OLFM3: variants seen among roughly 807,000 people sequenced by gnomAD.
OLFM3 encodes olfactomedin 3.
OLFM3 carries 20 observed loss-of-function variants against 48.6 expected under a neutral mutation model. That is an observed-to-expected ratio of 0.41 (90% confidence interval 0.29 to 0.60). The LOEUF (loss-of-function observed/expected upper bound fraction) is 0.60, where lower values mean the gene tolerates loss of function less well. Among genes scored for constraint, OLFM3 ranks in the 20% least tolerant of loss-of-function variants. The pLI is 0.28. For missense variants in OLFM3, 437 were observed against 544.3 expected (o/e 0.80, Z 1.96); for synonymous variants, 222 against 198.1 (o/e 1.12, Z -1.01).
rs139483467 is a variant in OLFM3 at position 101,876,841 on chromosome 1, C to G, written c.70-39816G>C. 3.7e-3 allele frequency among the ~76,000 whole-genome samples: 564 copies of G among 151,964 alleles called. 2 individuals carry two copies. Among genetic ancestry groups the G allele is most frequent in the African/African-American group, 0.013 (548 of 41,502 alleles). ...AGTCACTGTGTCATGTAATTGTGTT[C>G]ATATTGTCTTGTAAATGACAGTGTC... On this transcript the variant is annotated intron_variant, in intron 1 of 5. Transcript: ENST00000370103.
chr1:101,889,717 A>G (rs945023271), intron 1 of OLFM3, among the ~76,000 whole-genome samples: 6 of 152,132 alleles, frequency 3.9e-5, no homozygotes, highest in Non-Finnish European at 5.9e-5. Flanking sequence ...CTGATCTAGC[A>G]TAGATAACAT....
chr1:101,829,308 T>G (rs1384791031), intron 3 of OLFM3, among the ~76,000 whole-genome samples: 1 of 152,216 alleles, frequency 6.6e-6, no homozygotes, highest in African/African-American at 2.4e-5. Flanking sequence ...TAAATCTTGC[T>G]CTAATTTGTC....
chr1:101,912,934 G>A (rs1658807544), intron 1 of OLFM3, among the ~76,000 whole-genome samples: 1 of 152,152 alleles, frequency 6.6e-6, no homozygotes, highest in African/African-American at 2.4e-5. Flanking sequence ...GAAATTAAAA[G>A]AGGTAAAGGA....
intron 3 of OLFM3, among the ~76,000 whole-genome samples, chr1:101,826,230 C>G (rs549405677): frequency 6.6e-6 from 1 of 152,004 alleles, no homozygotes; most frequent in Non-Finnish European, 1.5e-5. Context: ...GACTGAAGCA[C>G]GCCTACAGTT....
chr1:101,824,538 T>C (rs2100897408), intron 4 of OLFM3, among the ~76,000 whole-genome samples: 1 of 152,208 alleles, frequency 6.6e-6, no homozygotes, highest in Middle Eastern at 3.4e-3. Context: ...TGATGGCAAT[T>C]CTGTAAATTG....
intron 1 of OLFM3, among the ~76,000 whole-genome samples, chr1:101,842,717 G>A (rs1655787535): frequency 6.6e-6 from 1 of 152,088 alleles, no homozygotes; most frequent in Admixed American, 6.5e-5. Context: ...TGCATGAAAG[G>A]GATTTCACTG....
intron 1 of OLFM3, among the ~76,000 whole-genome samples, chr1:101,947,217 G>T (rs760558555): frequency 8.6e-5 from 13 of 152,042 alleles, no homozygotes; most frequent in African/African-American, 3.1e-4. Flanking sequence ...ACCACACAAT[G>T]CTTGGTTTGT....
intron 1 of OLFM3, among the ~76,000 whole-genome samples, chr1:101,939,328 G>A (rs1005760128): frequency 2.6e-5 from 4 of 152,080 alleles, no homozygotes; most frequent in African/African-American, 9.7e-5. Context: ...ATTTATATCA[G>A]AATGGTATTT....
chr1:101,891,965 G>T (rs74107981), intron 1 of OLFM3, among the ~76,000 whole-genome samples: 1,679 of 151,930 alleles, frequency 0.011, 25 homozygotes, highest in African/African-American at 0.039. Flanking sequence ...TCTTAAATTC[G>T]TCTTTAGGTA....
chr1:101,829,372 T>C (rs182708337), intron 3 of OLFM3, among the ~76,000 whole-genome samples: 253 of 152,324 alleles, frequency 1.7e-3, no homozygotes, highest in African/African-American at 6.0e-3. Context: ...TTAAACCTCA[T>C]GATTAATCAC....
intron 1 of OLFM3, among the ~76,000 whole-genome samples, chr1:101,936,342 C>A (rs1392638086): frequency 2.0e-5 from 3 of 151,984 alleles, no homozygotes; most frequent in Middle Eastern, 3.4e-3. Context: ...GAGATCCAAA[C>A]GAAAAATGCA....
At chr1:101,812,698 T>G (rs1431556428) in intron 4 of OLFM3, 4 of 986,902 alleles carry the variant, frequency 4.1e-6, no homozygotes, top group Non-Finnish European at 4.8e-6. Flanking sequence ...CTGCTGAGTC[T>G]TAGGTTGTTT....
chr1:101,922,530 T>C (rs1012664045), intron 1 of OLFM3, among the ~76,000 whole-genome samples: 3 of 152,174 alleles, frequency 2.0e-5, no homozygotes, highest in Non-Finnish European at 4.4e-5. Flanking sequence ...ACAGGTCAGA[T>C]GTTTCTTTCA....
chr1:101,976,471 C>A (rs775679011), intron 1 of OLFM3, among the ~76,000 whole-genome samples: 5 of 152,140 alleles, frequency 3.3e-5, no homozygotes, highest in Non-Finnish European at 7.4e-5. Context: ...CACACGGATA[C>A]AAATACTAAT....
At chr1:101,888,350 T>A (rs1473542838) in intron 1 of OLFM3, among the ~76,000 whole-genome samples, 1 of 151,972 alleles carries the variant, frequency 6.6e-6, no homozygotes, top group East Asian at 1.9e-4. Context: ...ACATCACACA[T>A]CTACAACCAT....
At chr1:101,949,387 C>G (rs976335081) in intron 1 of OLFM3, among the ~76,000 whole-genome samples, 1 of 152,136 alleles carries the variant, frequency 6.6e-6, no homozygotes, top group African/African-American at 2.4e-5. Flanking sequence ...TAAAATATCA[C>G]GTACATGCTG....
chr1:101,969,973 T>C (rs1660734792), intron 1 of OLFM3, among the ~76,000 whole-genome samples: 2 of 152,040 alleles, frequency 1.3e-5, no homozygotes, highest in African/African-American at 4.8e-5. Context: ...TTCCCCTAGG[T>C]CCCCTCATGC....
intron 1 of OLFM3, among the ~76,000 whole-genome samples, chr1:101,849,550 T>C (rs1243227218): frequency 6.6e-6 from 1 of 152,244 alleles, no homozygotes; most frequent in East Asian, 1.9e-4. Context: ...TAGTTTTATG[T>C]TGTGAATCAT....
intron 1 of OLFM3, among the ~76,000 whole-genome samples, chr1:101,862,313 A>G (rs1435525621): frequency 6.6e-6 from 1 of 152,204 alleles, no homozygotes; most frequent in Non-Finnish European, 1.5e-5. Context: ...TAGAGAACAA[A>G]GTGTCTCAGT....
Sources: gnomAD v4.1 joint callset for allele counts (sites outside exome capture counted in the v4.1 genomes callset) on GRCh38, gnomAD v4.1.1 for gene constraint, MANE v1.5 for transcripts, NCBI Gene and HGNC (gene_info 2026-07-23, HGNC 2026-07-21) for gene names.